Variants in DMD observed in about 807,000 individuals in gnomAD.
DMD encodes dystrophin, also known as mutant dystrophin.
Under a neutral mutation model 330.1 loss-of-function variants are expected in DMD, and 63 were observed. That is an observed-to-expected ratio of 0.19 (90% confidence interval 0.16 to 0.24). The LOEUF (loss-of-function observed/expected upper bound fraction) is 0.24. DMD is among the 10% of genes least tolerant of loss of function. The pLI is 1.00. For missense variants in DMD, 3,344 were observed against 2,684.1 expected (o/e 1.25, Z -5.43); for synonymous variants, 1,223 against 959.8 (o/e 1.27, Z -5.07).
At chrX:32,348,251 T>G (rs1376858235) in intron 38 of DMD, among the ~76,000 whole-genome samples, 155 bp downstream of exon 38, 3 of 111,595 alleles carry the variant, frequency 2.7e-5, no homozygotes, top group Non-Finnish European at 5.7e-5. Flanking sequence ...GCATTTGTAA[T>G]AAAAGGCCAA....
At chrX:33,054,605 T>C (rs1327258361) in intron 1 of DMD, among the ~76,000 whole-genome samples, 2 of 112,425 alleles carry the variant, frequency 1.8e-5, no homozygotes, top group East Asian at 5.6e-4. Context: ...TAAATTTATT[T>C]TGAAGAAACC....
At chrX:31,305,349 G>A (rs953853972) in intron 62 of DMD, among the ~76,000 whole-genome samples, 4 of 111,380 alleles carry the variant, frequency 3.6e-5, no homozygotes, top group Admixed American at 2.9e-4. Flanking sequence ...GTACTGCAAT[G>A]GAACACTAAA....
chrX:32,060,508 G>A (rs2096215122), intron 44 of DMD, among the ~76,000 whole-genome samples: 1 of 111,373 alleles, frequency 9.0e-6, no homozygotes, highest in Non-Finnish European at 1.9e-5. Context: ...TGCATTGTGA[G>A]AGAAGTTCCG....
chrX:31,249,671 T>A (rs983611539), intron 63 of DMD, among the ~76,000 whole-genome samples: 1 of 111,497 alleles, frequency 9.0e-6, no homozygotes, highest in African/African-American at 3.3e-5. Context: ...TCACCTTGGT[T>A]AAGAAGTAAA....
At chrX:32,634,954 A>T (rs1308954268) in intron 11 of DMD, among the ~76,000 whole-genome samples, 1 of 111,723 alleles carries the variant, frequency 9.0e-6, no homozygotes. Context: ...CTACCTTTGA[A>T]GTTTATTTAG....
At chrX:32,200,882 C>A (rs1210217150) in intron 44 of DMD, among the ~76,000 whole-genome samples, 1 of 111,414 alleles carries the variant, frequency 9.0e-6, no homozygotes, top group Non-Finnish European at 1.9e-5. Context: ...AGAGAGACCT[C>A]ACATTGTGAT....
chrX:31,823,793 C>G (rs1188462710), intron 49 of DMD, among the ~76,000 whole-genome samples: 1 of 110,746 alleles, frequency 9.0e-6, no homozygotes, highest in African/African-American at 3.3e-5. Context: ...AGGCTGGTCT[C>G]AAACTCCTGG....
intron 44 of DMD, among the ~76,000 whole-genome samples, chrX:31,982,263 G>C (rs1421111043): frequency 3.6e-5 from 4 of 111,666 alleles, no homozygotes; most frequent in Non-Finnish European, 7.5e-5. Context: ...GTTGTACAAG[G>C]AGCAGCATGA....
At chrX:32,936,199 C>T (rs2090010242) in intron 2 of DMD, among the ~76,000 whole-genome samples, 1 of 109,739 alleles carries the variant, frequency 9.1e-6, no homozygotes, top group Non-Finnish European at 1.9e-5. Context: ...ACAACCTCCG[C>T]CTCCTGGGTT....
intron 7 of DMD, among the ~76,000 whole-genome samples, chrX:32,753,927 T>C (rs1011366186): frequency 3.6e-5 from 4 of 111,118 alleles, no homozygotes; most frequent in African/African-American, 1.3e-4. Flanking sequence ...TACCAAACCC[T>C]GCTCAATTCT....
At chrX:31,637,600 G>A (rs2079489729) in intron 54 of DMD, among the ~76,000 whole-genome samples, 1 of 110,330 alleles carries the variant, frequency 9.1e-6, no homozygotes, top group African/African-American at 3.3e-5. Flanking sequence ...CACAGTTCCT[G>A]GCAATTTAAT....
rs868556717 is a variant in DMD at position 32,230,390 on chromosome X, G to A, written c.6291-13327C>T. Among the ~76,000 whole-genome samples the A allele has an allele frequency of 1.3e-4, 14 of 111,149 alleles. 1 individual carries two copies. Among genetic ancestry groups the A allele is most frequent in the Admixed American group, 9.6e-5 (1 of 10,435 alleles). ...TTCCCGAGTAGCTGGGACTACAGGC[G>A]CCCGCCACCACGCCCGGCTAATTTT... On this transcript the variant is annotated intron_variant, in intron 43 of 78. Transcript: ENST00000357033.
chrX:32,253,187 A>T (rs1286176783), intron 43 of DMD, among the ~76,000 whole-genome samples: 1 of 108,110 alleles, frequency 9.2e-6, no homozygotes, highest in Non-Finnish European at 1.9e-5. Context: ...AAAATAGATG[A>T]AGATAAGAAG....
chrX:32,837,832 A>G (rs2079790461), intron 4 of DMD, among the ~76,000 whole-genome samples: 1 of 112,122 alleles, frequency 8.9e-6, no homozygotes, highest in Non-Finnish European at 1.9e-5. Flanking sequence ...GAGCATTCCC[A>G]ATAATGACAG....
intron 2 of DMD, among the ~76,000 whole-genome samples, chrX:32,879,335 C>T (rs776473036): frequency 6.9e-4 from 77 of 111,793 alleles, no homozygotes; most frequent in Non-Finnish European, 1.3e-3. Context: ...TCACCATTTA[C>T]ATATGGCACA....
At chrX:31,945,869 T>C (rs1461697177) in intron 45 of DMD, among the ~76,000 whole-genome samples, 1 of 111,896 alleles carries the variant, frequency 8.9e-6, no homozygotes, top group Non-Finnish European at 1.9e-5. Flanking sequence ...TAGACTAAGA[T>C]GTGTCTCCTC....
chrX:31,955,775 T>C (rs888046319), intron 45 of DMD, among the ~76,000 whole-genome samples: 2 of 112,208 alleles, frequency 1.8e-5, no homozygotes, highest in Non-Finnish European at 3.8e-5. Context: ...ATATAACATG[T>C]TGAGTTTTGG....
Position 32,375,980 on chromosome X carries a change from A to G in DMD, c.4845+4530T>C, listed in dbSNP as rs184199076. On this transcript the variant is annotated intron_variant, in intron 34 of 78. Transcript: ENST00000357033. ...AAAGAACATAACTGATCTTTTGGCC[A>G]GTGTAAGAAACTCTTCTGGCCGGGT... 5.7e-3 allele frequency among the ~76,000 whole-genome samples: 637 copies of G among 111,724 alleles called. 3 individuals are homozygous for G. The highest frequency in any genetic ancestry group is 7.8e-3 in the Non-Finnish European group (414 of 53,128).
chrX:32,312,888 C>G (rs1393942776), intron 41 of DMD, among the ~76,000 whole-genome samples: 1 of 95,170 alleles, frequency 1.1e-5, no homozygotes. Flanking sequence ...GAAGTTGAAT[C>G]CCTGAATAGA....
Sources: gnomAD v4.1 joint callset for allele counts (sites outside exome capture counted in the v4.1 genomes callset) on GRCh38, gnomAD v4.1.1 for gene constraint, MANE v1.5 for transcripts, NCBI Gene and HGNC (gene_info 2026-07-23, HGNC 2026-07-21) for gene names.